ADGRA1: variants seen among roughly 807,000 people sequenced by gnomAD.
ADGRA1 encodes the protein adhesion G protein-coupled receptor A1.
ADGRA1 carries 12 observed loss-of-function variants against 21.3 expected under a neutral mutation model. That is an observed-to-expected ratio of 0.56 (90% CI 0.36 to 0.91). The LOEUF is 0.91. Among genes scored for constraint, ADGRA1 ranks in the 40% least tolerant of loss-of-function variants. ADGRA1 has a pLI of 0.01. For missense variants in ADGRA1, 790 were observed against 805.6 expected, an observed-to-expected ratio of 0.98 and a Z score of 0.23; for synonymous variants, 385 against 368.8, an observed-to-expected ratio of 1.04 and a Z score of -0.50.
At chr10:133,099,828 G>A (rs1170380157) in intron 4 of ADGRA1, among the ~76,000 whole-genome samples, 2 of 152,230 alleles carry the variant, frequency 1.3e-5, no homozygotes, top group Non-Finnish European at 2.9e-5. Flanking sequence ...CGGACTGCAG[G>A]GCAACTTGCC....
At chr10:133,101,706 G>A (rs1851798509) in intron 4 of ADGRA1, among the ~76,000 whole-genome samples, 1 of 152,162 alleles carries the variant, frequency 6.6e-6, no homozygotes, top group Non-Finnish European at 1.5e-5. Flanking sequence ...AGGCCTCCCT[G>A]TCTCCACCAG....
intron 5 of ADGRA1, among the ~76,000 whole-genome samples, chr10:133,119,261 C>A (rs1207988999): frequency 2.8e-5 from 4 of 145,418 alleles, no homozygotes; most frequent in Non-Finnish European, 3.0e-5. Context: ...CCTTTATTGC[C>A]AAAAAAAAAA....
chr10:133,101,307 G>A (rs559561953), intron 4 of ADGRA1, among the ~76,000 whole-genome samples: 1 of 152,354 alleles, frequency 6.6e-6, no homozygotes, highest in South Asian at 2.1e-4. Flanking sequence ...TGGATGGCTG[G>A]AGAGGACGGA....
intron 5 of ADGRA1, among the ~76,000 whole-genome samples, chr10:133,113,089 G>A (rs111392367): frequency 4.2e-5 from 5 of 120,278 alleles, no homozygotes; most frequent in Non-Finnish European, 7.7e-5. Context: ...GGGCCGTGTC[G>A]GTTCGGTTAT....
At chr10:133,111,237 C>CCCT (rs1851994166) in intron 5 of ADGRA1, among the ~76,000 whole-genome samples, 1 of 104,980 alleles carries the variant, frequency 9.5e-6, no homozygotes, top group Non-Finnish European at 1.8e-5. Flanking sequence ...CCCTCCTAAT[C>CCCT]CCACCAGACA....
intron 5 of ADGRA1, among the ~76,000 whole-genome samples, chr10:133,119,358 G>A (rs2135901649): frequency 6.6e-6 from 1 of 152,336 alleles, no homozygotes; most frequent in South Asian, 2.1e-4. Context: ...GCTGACCAGG[G>A]TGGTGGTGGC....
At chr10:133,120,434 G>A (rs1471253652) in intron 5 of ADGRA1, among the ~76,000 whole-genome samples, 1 of 152,212 alleles carries the variant, frequency 6.6e-6, no homozygotes, top group Non-Finnish European at 1.5e-5. Context: ...ATCTTGTTTA[G>A]TGCAGCCTCC....
chr10:133,103,317 C>T (rs890696393), intron 5 of ADGRA1, among the ~76,000 whole-genome samples: 5 of 152,206 alleles, frequency 3.3e-5, no homozygotes, highest in African/African-American at 9.6e-5. Context: ...TCATGGTCTC[C>T]GTAACATCAG....
Position 133,129,370 on chromosome 10 carries a change from G to A in ADGRA1, c.1542G>A (p.Leu514=), listed in dbSNP as rs201869864. ...AALGPGHLEM[L]RRTQSLPFGG... ...TCGGGCCCGGCCACTTGGAGATGCT[G>A]CGGAGGACACAGTCCCTGCCCTTTG... Residue 514 remains leucine, a synonymous_variant, in exon 7 of 7, where the codon CTG becomes CTA. Transcript: ENST00000392607. The A allele has an allele frequency of 2.4e-4, 392 of 1,600,742 alleles. 3 individuals carry two copies. In the East Asian group the frequency reaches 8.7e-3, roughly 35 times the overall value.
chr10:133,106,977 A>C (rs1174621530), intron 5 of ADGRA1, among the ~76,000 whole-genome samples: 1 of 152,268 alleles, frequency 6.6e-6, no homozygotes, highest in Non-Finnish European at 1.5e-5. Context: ...TCGTGAGCAC[A>C]GGACGTCTTT....
chr10:133,103,862 T>C (rs759338239), intron 5 of ADGRA1, among the ~76,000 whole-genome samples: 1 of 152,190 alleles, frequency 6.6e-6, no homozygotes, highest in African/African-American at 2.4e-5. Flanking sequence ...GAGCGTGGCC[T>C]CGAGGCCTTG....
At chr10:133,104,537 G>A (rs1851858896) in intron 5 of ADGRA1, among the ~76,000 whole-genome samples, 1 of 152,190 alleles carries the variant, frequency 6.6e-6, no homozygotes, top group African/African-American at 2.4e-5. Flanking sequence ...CGACGGCAAG[G>A]CCCTGCTTGC....
intron 3 of ADGRA1, among the ~76,000 whole-genome samples, chr10:133,097,848 T>C (rs1851714998): frequency 6.6e-6 from 1 of 152,166 alleles, no homozygotes. Context: ...CGGCACCCAC[T>C]GCCTGTGTCC....
At chr10:133,125,057 C>T (rs953420027) in intron 5 of ADGRA1, among the ~76,000 whole-genome samples, 1 of 152,266 alleles carries the variant, frequency 6.6e-6, no homozygotes, top group African/African-American at 2.4e-5. Context: ...CCTGTCTTAT[C>T]GTCTACTTTG....
At chr10:133,105,971 A>G (rs1851887145) in intron 5 of ADGRA1, among the ~76,000 whole-genome samples, 1 of 152,158 alleles carries the variant, frequency 6.6e-6, no homozygotes, top group Non-Finnish European at 1.5e-5. Context: ...CACTTTCTAG[A>G]TGGGGATTCA....
chr10:133,103,483 C>T (rs12246004), intron 5 of ADGRA1, among the ~76,000 whole-genome samples: 25,918 of 152,286 alleles, frequency 0.17, 2,286 homozygotes, highest in Middle Eastern at 0.2. Flanking sequence ...CGCCCTCCCC[C>T]GCCGCCCCGG....
intron 5 of ADGRA1, among the ~76,000 whole-genome samples, chr10:133,124,508 C>T (rs900406578): frequency 1.1e-4 from 16 of 152,240 alleles, no homozygotes; most frequent in Non-Finnish European, 2.4e-4. Context: ...GTGGCCCTGG[C>T]GTGCGAGCCG....
At chr10:133,095,710 G>A (rs572074914) in intron 2 of ADGRA1, 99 of 1,597,878 alleles carry the variant, frequency 6.2e-5, no homozygotes, top group East Asian at 1.8e-4. Context: ...TTGGCTGGAC[G>A]GACAAGAAGT....
At chr10:133,111,959 AC>A (rs1253207422) in intron 5 of ADGRA1, among the ~76,000 whole-genome samples, 681 of 58,822 alleles carry the variant, frequency 0.012, 159 homozygotes, top group Middle Eastern at 0.028. Context: ...ATCCCTCCAG[AC>A]CACCTGCCCA....
Sources: gnomAD v4.1 joint callset for allele counts (sites outside exome capture counted in the v4.1 genomes callset) on GRCh38, gnomAD v4.1.1 for gene constraint, MANE v1.5 for transcripts, NCBI Gene and HGNC (gene_info 2026-07-23, HGNC 2026-07-21) for gene names.